The following ZNF423 variants were observed in gnomAD, a reference collection of about 807,000 sequenced individuals.
ZNF423 encodes the protein Ebf-associated zinc finger protein.
Under a neutral mutation model 95.8 loss-of-function variants are expected in ZNF423, and 12 were observed. The observed-to-expected ratio is 0.13, with a 90% CI of 0.08 to 0.20. The LOEUF is 0.20. Ranked by LOEUF, ZNF423 falls within the 10% of genes least tolerant of loss-of-function variation. The pLI is 1.00. For missense variants in ZNF423, 1,316 were observed against 1,737.1 expected (o/e 0.76, Z 4.31); for synonymous variants, 749 against 711.9 (o/e 1.05, Z -0.83).
intron 5 of ZNF423, among the ~76,000 whole-genome samples, chr16:49,586,609 C>T (rs906538419): frequency 2.0e-5 from 3 of 151,262 alleles, no homozygotes; most frequent in Non-Finnish European, 4.5e-5. Flanking sequence ...GAGCGGCAGG[C>T]GCAGCCCACG....
chr16:49,503,703 A>T (rs1361944367), intron 7 of ZNF423, among the ~76,000 whole-genome samples: 1 of 152,134 alleles, frequency 6.6e-6, no homozygotes, highest in Non-Finnish European at 1.5e-5. Flanking sequence ...ACCATGGCCA[A>T]CTGCCCCTCA....
At chr16:49,590,581 G>C (rs1317967280) in intron 5 of ZNF423, among the ~76,000 whole-genome samples, 1 of 152,184 alleles carries the variant, frequency 6.6e-6, no homozygotes, top group Non-Finnish European at 1.5e-5. Context: ...GGGCACCAGG[G>C]TGACTTAGCC....
intron 5 of ZNF423, among the ~76,000 whole-genome samples, chr16:49,599,872 G>C (rs1346851541): frequency 6.6e-6 from 1 of 152,204 alleles, no homozygotes; most frequent in African/African-American, 2.4e-5. Flanking sequence ...AGGGGTATCA[G>C]CTAGAAGGAA....
At chr16:49,816,955 GAC>G (rs2034865571) in intron 1 of ZNF423, among the ~76,000 whole-genome samples, 1 of 152,180 alleles carries the variant, frequency 6.6e-6, no homozygotes, top group African/African-American at 2.4e-5. Context: ...AAGTACTGAG[GAC>G]ACAGTTGACT....
intron 3 of ZNF423, among the ~76,000 whole-genome samples, chr16:49,677,318 G>A (rs1467835031): frequency 3.8e-5 from 3 of 79,312 alleles, no homozygotes; most frequent in African/African-American, 1.5e-4. Context: ...GAAAGGAGGG[G>A]AAGGGAGGGG....
At position 49,855,107 on chromosome 16, in the gene ZNF423, G is replaced by A; in HGVS notation, c.40+628C>T. ...TCGGTGGAGGAGGCAGGAAGTGCAGGGGCCCGGGCCGGGAGAAGGCCTGGG... is the reference window on the plus strand; with the variant it reads ...TCGGTGGAGGAGGCAGGAAGTGCAGAGGCCCGGGCCGGGAGAAGGCCTGGG... On this transcript the variant is annotated intron_variant, in intron 1 of 7. Transcript: ENST00000563137. The surrounding 1 kb of genome is among the most constrained non-coding windows in gnomAD (Gnocchi z 4.7). 4 of 945,168 alleles carry A rather than the reference G, an allele frequency of 4.2e-6. No homozygotes were observed. The highest frequency in any genetic ancestry group is 5.0e-6 in the Non-Finnish European group (4 of 794,020). The allele number at this position is 945,168 out of a possible 1,614,324, so 58.5% of individuals were successfully genotyped here. A position where few individuals can be genotyped will look rare whatever the true frequency, so the allele number is the denominator to read the frequency against.
At chr16:49,510,896 G>C (rs1433504905) in intron 7 of ZNF423, among the ~76,000 whole-genome samples, 3 of 152,210 alleles carry the variant, frequency 2.0e-5, no homozygotes, top group Non-Finnish European at 4.4e-5. Flanking sequence ...CAGCTCCCCC[G>C]TGCCCATCTG....
chr16:49,804,397 GA>G (rs2034630107), intron 1 of ZNF423, among the ~76,000 whole-genome samples: 1 of 151,988 alleles, frequency 6.6e-6, no homozygotes, highest in African/African-American at 2.4e-5. Context: ...GTAAAGTTCA[GA>G]AAAAAATCTA....
At chr16:49,626,030 C>A in intron 5 of ZNF423, 140 bp downstream of exon 5, 1 of 743,052 alleles carries the variant, frequency 1.3e-6, no homozygotes, top group Non-Finnish European at 2.2e-6. Flanking sequence ...CTGACATTTT[C>A]ACTCCCATGT....
upstream of ZNF423, among the ~76,000 whole-genome samples, chr16:49,856,930 G>C (rs1022821834): frequency 6.8e-6 from 1 of 147,518 alleles, no homozygotes; most frequent in African/African-American, 2.4e-5. Flanking sequence ...CGGCGGCGGC[G>C]GCGGCCGGGC....
At chr16:49,785,717 A>G (rs1657678387) in intron 2 of ZNF423, among the ~76,000 whole-genome samples, 1 of 152,190 alleles carries the variant, frequency 6.6e-6, no homozygotes, top group Non-Finnish European at 1.5e-5. Flanking sequence ...CTGTGTCACC[A>G]TCCACCACGG....
At chr16:49,696,691 C>A (rs993535237) in intron 3 of ZNF423, among the ~76,000 whole-genome samples, 1 of 150,930 alleles carries the variant, frequency 6.6e-6, no homozygotes, top group Non-Finnish European at 1.5e-5. Context: ...CCTGACTGGG[C>A]CTTTGTTGCC....
intron 1 of ZNF423, among the ~76,000 whole-genome samples, chr16:49,824,426 C>G (rs1322504079): frequency 6.6e-6 from 1 of 152,164 alleles, no homozygotes; most frequent in East Asian, 1.9e-4. Flanking sequence ...GCACTTCCAC[C>G]CTGCTTGCAA....
At chr16:49,684,326 C>T (rs1273791225) in intron 3 of ZNF423, among the ~76,000 whole-genome samples, 1 of 152,186 alleles carries the variant, frequency 6.6e-6, no homozygotes, top group Non-Finnish European at 1.5e-5. Flanking sequence ...CCATTGAATT[C>T]TCAGGTTGTA....
intron 1 of ZNF423, among the ~76,000 whole-genome samples, chr16:49,831,214 T>C (rs951435583): frequency 6.6e-6 from 1 of 152,128 alleles, no homozygotes; most frequent in Admixed American, 6.6e-5. Flanking sequence ...CACCCAGAAA[T>C]AAAGAGTTAA....
chr16:49,837,478 C>T (rs529034912), intron 1 of ZNF423, among the ~76,000 whole-genome samples: 1 of 152,152 alleles, frequency 6.6e-6, no homozygotes, highest in Non-Finnish European at 1.5e-5. Flanking sequence ...CACAAGGCCC[C>T]GGTGGCTTTC....
At chr16:49,822,170 G>C (rs751797821) in intron 1 of ZNF423, among the ~76,000 whole-genome samples, 4 of 128,466 alleles carry the variant, frequency 3.1e-5, no homozygotes, top group East Asian at 2.2e-4. Flanking sequence ...CACCCCCGCA[G>C]GAATTTTTTT....
At chr16:49,699,138 A>T (rs921486469) in intron 3 of ZNF423, among the ~76,000 whole-genome samples, 9 of 152,342 alleles carry the variant, frequency 5.9e-5, no homozygotes, top group African/African-American at 2.2e-4. Context: ...CTAGTCAGCT[A>T]TTAGTGTTAC....
intron 3 of ZNF423, among the ~76,000 whole-genome samples, chr16:49,649,932 C>G (rs1973335463): frequency 6.6e-6 from 1 of 152,234 alleles, no homozygotes; most frequent in Non-Finnish European, 1.5e-5. Context: ...ATAGCAGCAC[C>G]TATTCACTCA....
Sources: allele counts gnomAD v4.1 joint callset (sites outside exome capture counted in the v4.1 genomes callset), GRCh38; gene constraint gnomAD v4.1.1; non-coding constraint Gnocchi (gnomAD v3.1); transcripts MANE v1.5; gene names NCBI Gene and HGNC (gene_info 2026-07-23, HGNC 2026-07-21).